Variants in SMOC1 observed in about 807,000 individuals in gnomAD.
The protein encoded by SMOC1 is SPARC related modular calcium binding 1.
Under a neutral mutation model 56.3 loss-of-function variants are expected in SMOC1, and 22 were observed. That is an observed-to-expected ratio of 0.39 (90% CI 0.28 to 0.56). The LOEUF is 0.56. SMOC1 is among the 20% of genes least tolerant of loss of function. The pLI is 0.61. For synonymous variants in SMOC1, 193 were observed against 215.0 expected, an observed-to-expected ratio of 0.90 and a Z score of 0.89; for missense variants, 509 against 565.4, an observed-to-expected ratio of 0.90 and a Z score of 1.01.
chr14:69,903,368 G>A (rs1594794113), intron 1 of SMOC1, among the ~76,000 whole-genome samples: 1 of 152,068 alleles, frequency 6.6e-6, no homozygotes, highest in East Asian at 1.9e-4. Flanking sequence ...GAAGTGAGGA[G>A]CCCCTCGGCC....
chr14:69,932,475 C>T (rs761430284), intron 1 of SMOC1, among the ~76,000 whole-genome samples: 10 of 152,138 alleles, frequency 6.6e-5, no homozygotes, highest in South Asian at 2.1e-4. Flanking sequence ...GGAACAAAGC[C>T]GCCACAAAGG....
intron 1 of SMOC1, among the ~76,000 whole-genome samples, chr14:69,945,470 A>G (rs1436204376): frequency 6.6e-6 from 1 of 152,194 alleles, no homozygotes; most frequent in Non-Finnish European, 1.5e-5. Flanking sequence ...CATCATGGAT[A>G]AGACAGGAAA....
At chr14:69,978,088 C>T in intron 5 of SMOC1, 123 bp downstream of exon 5, 1 of 815,088 alleles carries the variant, frequency 1.2e-6, no homozygotes, top group Non-Finnish European at 2.2e-6. Flanking sequence ...ACATCTTCTC[C>T]ATTCTTATTC....
At chr14:69,908,207 G>GA (rs976564240) in intron 1 of SMOC1, among the ~76,000 whole-genome samples, 1 of 151,954 alleles carries the variant, frequency 6.6e-6, no homozygotes, top group African/African-American at 2.4e-5. Flanking sequence ...AATATGCACA[G>GA]AAAAAAGAGT....
intron 7 of SMOC1, among the ~76,000 whole-genome samples, chr14:70,004,604 C>T (rs1020265474): frequency 6.6e-6 from 1 of 152,230 alleles, no homozygotes; most frequent in Non-Finnish European, 1.5e-5. Flanking sequence ...TCACTCTTAC[C>T]TGAATTTCTA....
At chr14:69,915,840 G>A (rs1461002206) in intron 1 of SMOC1, among the ~76,000 whole-genome samples, 2 of 152,144 alleles carry the variant, frequency 1.3e-5, no homozygotes, top group Non-Finnish European at 2.9e-5. Flanking sequence ...TTGCCTAGAT[G>A]CTCCCACTTA....
At chr14:69,987,816 C>A (rs749856110) in intron 5 of SMOC1, among the ~76,000 whole-genome samples, 7 of 152,188 alleles carry the variant, frequency 4.6e-5, no homozygotes, top group African/African-American at 7.2e-5. Flanking sequence ...TGTGCGTGGG[C>A]CAGGCCTTCT....
chr14:70,031,388 T>A lies in SMOC1; in HGVS notation c.*1130T>A, dbSNP rs1277713286. 8.5e-6 allele frequency: 1 copy of A among 118,140 alleles called. No homozygotes were observed. The highest frequency in any genetic ancestry group is 1.6e-5 in the Non-Finnish European group (1 of 62,146). 7.3% of individuals were successfully genotyped at this position (118,140 alleles called of 1,614,324 possible). ...TCCACTCCTCCATCTCCTGCTGTTG[T>A]CCTAGTGGCTATCACAGGCCTGGGT... On this transcript the variant is annotated 3_prime_UTR_variant, in exon 12 of 12. Transcript: ENST00000361956.
At chr14:69,965,537 G>C (rs894237807) in intron 3 of SMOC1, among the ~76,000 whole-genome samples, 10 of 152,080 alleles carry the variant, frequency 6.6e-5, no homozygotes, top group Non-Finnish European at 1.2e-4. Flanking sequence ...GTAGGATTCT[G>C]ACTCGAAATA....
chr14:69,915,869 C>G (rs1264002827), intron 1 of SMOC1, among the ~76,000 whole-genome samples: 1 of 152,166 alleles, frequency 6.6e-6, no homozygotes, highest in East Asian at 1.9e-4. Flanking sequence ...TCCTGGCTCC[C>G]CCTCATCTCT....
intron 3 of SMOC1, among the ~76,000 whole-genome samples, chr14:69,962,070 C>G (rs536870346): frequency 1.4e-4 from 21 of 152,284 alleles, no homozygotes; most frequent in Middle Eastern, 6.8e-3. Flanking sequence ...AATGTCTACT[C>G]AGATCCTTTT....
chr14:69,912,602 T>C (rs1485192577), intron 1 of SMOC1, among the ~76,000 whole-genome samples: 3 of 152,212 alleles, frequency 2.0e-5, no homozygotes, highest in African/African-American at 7.2e-5. Context: ...CTGTAGACTA[T>C]TCAGAGGTGA....
At chr14:69,925,760 G>T (rs1278083699) in intron 1 of SMOC1, among the ~76,000 whole-genome samples, 1 of 152,178 alleles carries the variant, frequency 6.6e-6, no homozygotes, top group Non-Finnish European at 1.5e-5. Context: ...GGAACCTGGA[G>T]GGGTTCACTG....
intron 1 of SMOC1, among the ~76,000 whole-genome samples, chr14:69,912,221 G>C (rs974832248): frequency 4.6e-5 from 7 of 152,150 alleles, no homozygotes; most frequent in Admixed American, 1.3e-4. Context: ...GCTGTTAACA[G>C]ATGCTCAACC....
chr14:69,923,136 G>A (rs61980634), intron 1 of SMOC1, among the ~76,000 whole-genome samples: 7,299 of 151,748 alleles, frequency 0.048, 227 homozygotes, highest in Non-Finnish European at 0.074. Flanking sequence ...TAGTAGAGAC[G>A]GGGTTTCACA....
chr14:69,902,291 A>G (rs370509529), intron 1 of SMOC1, among the ~76,000 whole-genome samples: 2 of 152,228 alleles, frequency 1.3e-5, no homozygotes, highest in African/African-American at 4.8e-5. Context: ...GGTTTCTTAT[A>G]ATATATTGTG....
In SMOC1 at chr14:69,961,973, A is replaced by G. The variant is rs1018954518; in HGVS notation, c.378+8441A>G. On this transcript the variant is annotated intron_variant, in intron 3 of 11. Coordinates refer to ENST00000361956, the MANE Select transcript of SMOC1 (RefSeq NM_001034852.3). ...TCTAGTGGGTGTGAAGTGGTATCTC[A>G]TGGTGTTTGGATTTGCATTTCTCTG... Among the ~76,000 whole-genome samples, 15 of 152,172 alleles carry G rather than the reference A, an allele frequency of 9.9e-5. No homozygotes were observed. The South Asian group carries it at 1.5e-3, about 15-fold the overall frequency.
chr14:69,992,858 G>A (rs556350643), intron 6 of SMOC1, among the ~76,000 whole-genome samples: 37 of 152,246 alleles, frequency 2.4e-4, no homozygotes, highest in African/African-American at 8.2e-4. Context: ...CTGGCACTGT[G>A]TGAGCCCCTC....
At chr14:69,897,482 T>C (rs1470566278) in intron 1 of SMOC1, among the ~76,000 whole-genome samples, 3 of 152,078 alleles carry the variant, frequency 2.0e-5, no homozygotes, top group Non-Finnish European at 2.9e-5. Context: ...TATTTTTCTC[T>C]TCAACTCATT....
Sources: allele counts gnomAD v4.1 joint callset (sites outside exome capture counted in the v4.1 genomes callset), GRCh38; gene constraint gnomAD v4.1.1; transcripts MANE v1.5; gene names NCBI Gene and HGNC (gene_info 2026-07-23, HGNC 2026-07-21).